Variants in EEA1 observed in about 807,000 individuals in gnomAD.
The protein encoded by EEA1 is early endosome antigen 1.
EEA1 carries 111 observed loss-of-function variants against 209.2 expected under a neutral mutation model. The observed-to-expected ratio is 0.53, with a 90% CI of 0.45 to 0.62. The LOEUF (loss-of-function observed/expected upper bound fraction) is 0.62, where lower values mean the gene tolerates loss of function less well. Ranked by LOEUF, EEA1 falls within the 20% of genes least tolerant of loss-of-function variation. The pLI, the probability that EEA1 is intolerant of heterozygous loss-of-function variation, is 0.00. For synonymous variants in EEA1, 536 were observed against 540.6 expected, an observed-to-expected ratio of 0.99 and a Z score of 0.12; for missense variants, 1,343 against 1,530.8, an observed-to-expected ratio of 0.88 and a Z score of 2.05.
At chr12:92,900,447 C>T (rs948914451) in intron 1 of EEA1, among the ~76,000 whole-genome samples, 3 of 150,518 alleles carry the variant, frequency 2.0e-5, no homozygotes, top group Admixed American at 2.0e-4. Flanking sequence ...TTTTTTTTTA[C>T]ATTTAATGCC....
In EEA1 at chr12:92,822,293, T is replaced by C. The variant is rs980328352; in HGVS notation, c.1525-2782A>G. On this transcript the variant is annotated intron_variant, in intron 13 of 28. Transcript: ENST00000322349. ...CCATGACACATCCCTCTCCAGTTTC[T>C]GTCCAGTGTTTAAACAATTCACATT... Among the ~76,000 whole-genome samples the C allele has an allele frequency of 4.6e-5, 7 of 152,296 alleles. No homozygotes were observed. In the East Asian group the frequency reaches 1.2e-3, roughly 25 times the overall value.
chr12:92,855,293 T>G (rs1325911386), intron 5 of EEA1, among the ~76,000 whole-genome samples: 1 of 152,202 alleles, frequency 6.6e-6, no homozygotes, highest in Admixed American at 6.5e-5. Context: ...GCCGGCCTGA[T>G]GGCGGACGTG....
chr12:92,805,291 C>T (rs1002651835), intron 18 of EEA1, among the ~76,000 whole-genome samples: 5 of 152,086 alleles, frequency 3.3e-5, no homozygotes, highest in Non-Finnish European at 5.9e-5. Context: ...ATTCTATAAC[C>T]TCCGATTCAA....
chr12:92,824,593 T>C (rs1321698590), intron 13 of EEA1, among the ~76,000 whole-genome samples: 1 of 152,204 alleles, frequency 6.6e-6, no homozygotes, highest in Non-Finnish European at 1.5e-5. Context: ...CTCCTGCCTC[T>C]GGACCATTTA....
chr12:92,858,860 C>T, intron 3 of EEA1: 1 of 735,512 alleles, frequency 1.4e-6, no homozygotes, highest in Non-Finnish European at 2.5e-6. Flanking sequence ...CGGGGTGATG[C>T]TGGTTTGTAT....
At chr12:92,795,436 G>A (rs1296540935) in intron 21 of EEA1, among the ~76,000 whole-genome samples, 2 of 152,134 alleles carry the variant, frequency 1.3e-5, no homozygotes, top group African/African-American at 4.8e-5. Context: ...CAGCTGTGTC[G>A]TCTTCAGCAC....
At chr12:92,892,500 G>C (rs112464516) in intron 1 of EEA1, among the ~76,000 whole-genome samples, 2,821 of 151,050 alleles carry the variant, frequency 0.019, 100 homozygotes, top group African/African-American at 0.064. Flanking sequence ...AAAAAAATCA[G>C]AAGATGCAGA....
intron 10 of EEA1, among the ~76,000 whole-genome samples, chr12:92,833,603 TA>T (rs1407934725): frequency 1.3e-5 from 2 of 152,276 alleles, no homozygotes; most frequent in East Asian, 3.9e-4. Flanking sequence ...GAATTTTAAC[TA>T]AATTCTGTAA....
At chr12:92,874,528 G>C (rs1878793431) in intron 2 of EEA1, among the ~76,000 whole-genome samples, 1 of 152,116 alleles carries the variant, frequency 6.6e-6, no homozygotes. Flanking sequence ...GCCAGGCCTG[G>C]CTAATTTTTG....
intron 9 of EEA1, among the ~76,000 whole-genome samples, chr12:92,850,488 G>A (rs935794181): frequency 2.6e-5 from 4 of 151,904 alleles, no homozygotes; most frequent in Admixed American, 6.6e-5. Context: ...TCAGGAGTTC[G>A]AGACCAGCCT....
At position 92,811,334 on chromosome 12, in the gene EEA1, T is replaced by C. The variant is rs1468653436; in HGVS notation, c.2144A>G (p.Lys715Arg). The C allele has an allele frequency of 6.2e-7, 1 of 1,604,596 alleles. No homozygotes were observed. Among genetic ancestry groups the C allele is most frequent in the African/African-American group, 1.3e-5 (1 of 74,504 alleles). ...SQLESHLKEY[K>R]EKYLSLEQKT... is the part of the protein sequence containing the mutation. Reference sequence around the variant, plus strand: ...CTGTTCTAAAGAGAGGTATTTCTCTTTATATTCTTTAAGATGACTTTCCAG... The same window carrying C: ...CTGTTCTAAAGAGAGGTATTTCTCTCTATATTCTTTAAGATGACTTTCCAG... Residue 715 changes from lysine (K) to arginine (R), a missense_variant, in exon 17 of 29, where the codon AAA becomes AGA. This residue lies in a region of EEA1 where 1,307 missense variants were observed against 1,465.5 expected (regional missense o/e 0.89). Coordinates refer to ENST00000322349, the MANE Select transcript of EEA1 (RefSeq NM_003566.4).
chr12:92,778,017 C>T lies in EEA1; in HGVS notation c.3817G>A (p.Asp1273Asn). 1 of 1,613,486 alleles carries T rather than the reference C, an allele frequency of 6.2e-7. No homozygotes were observed. Among genetic ancestry groups the T allele is most frequent in the Non-Finnish European group, 8.5e-7 (1 of 1,179,564 alleles). Reference protein sequence around the residue: ...RVSELEKQTDDLRGEIAVLEA... With the variant: ...RVSELEKQTDNLRGEIAVLEA... ...AATACTGCAATTTCACCCCGTAAGT[C>T]ATCCGTTTGTTTCTCAAGCTCACTA... Residue 1273 changes from aspartate (D) to asparagine (N), a missense_variant, in exon 26 of 29, where the codon GAC (aspartate) becomes AAC (asparagine). Physicochemically the swap from Asp to Asn is conservative, Grantham distance 23. Around this residue, in one of 3 missense-constraint regions of EEA1, gnomAD observed 1,307 missense variants for 1,465.5 expected, o/e 0.89. Transcript: ENST00000322349.
rs1565814005 is a variant in EEA1 at position 92,802,504 on chromosome 12, G to C, written c.2570C>G (p.Thr857Arg). 1 of 1,593,034 alleles carries C rather than the reference G, an allele frequency of 6.3e-7. No individual in the cohort carries two copies. Among genetic ancestry groups the C allele is most frequent in the South Asian group, 1.2e-5 (1 of 86,494 alleles). Residue 857 changes from threonine to arginine, a missense_variant, in exon 19 of 29, where the codon ACA becomes AGA. By Grantham distance (71) the Thr-to-Arg change is moderately conservative. Transcript: ENST00000322349. The part of the protein sequence containing the change: ...EKEALMTELS[T>R]VKDKLSKVSD... ...AACTTTTGATAGTTTGTCCTTTACT[G>C]TAGAAAGCTCTGTCATTAAAGCTTC...
intron 7 of EEA1, 65 bp downstream of exon 7, chr12:92,852,846 AG>A (rs1877690738): frequency 9.7e-7 from 1 of 1,035,720 alleles, no homozygotes; most frequent in Non-Finnish European, 1.5e-6. Flanking sequence ...ATTTATTGCT[AG>A]GGTATATAAT....
chr12:92,916,938 G>A (rs932710178), intron 1 of EEA1, among the ~76,000 whole-genome samples: 7 of 151,146 alleles, frequency 4.6e-5, no homozygotes, highest in Non-Finnish European at 7.4e-5. Flanking sequence ...CGAGAACTAC[G>A]TGAAGAACGC....
chr12:92,779,094 TC>T lies in EEA1; in HGVS notation c.3654+20del. The T allele has an allele frequency of 1.3e-6, 2 of 1,584,216 alleles. No homozygotes were observed. The highest frequency in any genetic ancestry group is 1.2e-5 in the South Asian group (1 of 84,934). Reference sequence around the variant, plus strand: ...TTAAAGCTCTACTGCAAAACACACTTCCCCCGATTAACTCACTGACCAACTT... The same window carrying T: ...TTAAAGCTCTACTGCAAAACACACTTCCCCGATTAACTCACTGACCAACTT... On this transcript the variant is annotated intron_variant, in intron 25 of 28. Coordinates refer to ENST00000322349, the MANE Select transcript of EEA1 (RefSeq NM_003566.4).
chr12:92,893,592 A>G (rs1373633800), intron 1 of EEA1, among the ~76,000 whole-genome samples: 3 of 152,200 alleles, frequency 2.0e-5, no homozygotes, highest in Admixed American at 2.0e-4. Flanking sequence ...TATAAAAACT[A>G]TATACAATGG....
At chr12:92,790,358 C>G (rs1874345198) in intron 21 of EEA1, among the ~76,000 whole-genome samples, 1 of 152,118 alleles carries the variant, frequency 6.6e-6, no homozygotes, top group African/African-American at 2.4e-5. Context: ...GATGTTCGAA[C>G]CCATCGCAAG....
intron 1 of EEA1, among the ~76,000 whole-genome samples, chr12:92,924,840 TAAAAAAAAAAAAAA>T (rs58741191): frequency 1.3e-5 from 1 of 74,500 alleles, no homozygotes; most frequent in African/African-American, 5.3e-5. Context: ...CCTAACATGC[TAAAAAAAAAAAAAA>T]AAAAAAAAAA....
Sources: gnomAD v4.1 joint callset for allele counts (sites outside exome capture counted in the v4.1 genomes callset) on GRCh38, gnomAD v4.1.1 for gene constraint, gnomAD v4.1.1 regional missense constraint, MANE v1.5 for transcripts, NCBI Gene and HGNC (gene_info 2026-07-23, HGNC 2026-07-21) for gene names.